The following CFAP20DC variants were observed in gnomAD, a reference collection of about 807,000 sequenced individuals.
CFAP20DC encodes protein CFAP20DC.
In CFAP20DC, 84 loss-of-function variants were observed where a neutral mutation model predicts 101.7. That is an observed-to-expected ratio of 0.83 (90% CI 0.69 to 0.99). The LOEUF (loss-of-function observed/expected upper bound fraction) is 0.99. Among genes scored for constraint, CFAP20DC ranks in the 50% least tolerant of loss-of-function variants. The pLI is 0.00. For synonymous variants in CFAP20DC, 359 were observed against 351.2 expected (o/e 1.02, Z -0.25); for missense variants, 1,007 against 970.3 (o/e 1.04, Z -0.50).
intron 4 of CFAP20DC, among the ~76,000 whole-genome samples, chr3:58,938,444 T>C (rs2088019746): frequency 6.6e-6 from 1 of 152,164 alleles, no homozygotes; most frequent in Non-Finnish European, 1.5e-5. Flanking sequence ...GTCTCAGAGG[T>C]AACACAGCAG....
At position 58,849,286 on chromosome 3, in the gene CFAP20DC, C is replaced by T. The variant is rs1486401737; in HGVS notation, c.1717G>A (p.Ala573Thr). 9.8e-6 allele frequency: 15 copies of T among 1,535,946 alleles called. No individual in the cohort carries two copies. The highest frequency in any genetic ancestry group is 5.5e-5 in the African/African-American group (4 of 73,028). The change falls in exon 13 of 17, where the codon GCC becomes ACC. Residue 573 changes from alanine to threonine, a missense_variant. By Grantham distance (58) the Ala-to-Thr change is moderately conservative. Transcript: ENST00000482387. The stretch of plus-strand genomic sequence containing the variant: ...TCTGTTGCTCCTGCTTCTGTGTAGG[C>T]GCTCCTTAGATATTCCTTACTTGTC... ...KRTSKEYLRS[A>T]YTEAGATESQ... is the part of the protein sequence containing the mutation.
intron 4 of CFAP20DC, among the ~76,000 whole-genome samples, chr3:59,012,388 G>T (rs995835943): frequency 1.3e-5 from 2 of 152,162 alleles, no homozygotes; most frequent in African/African-American, 4.8e-5. Context: ...CTGAGAGAAA[G>T]AAAGGAGTGA....
At chr3:58,755,174 T>C (rs2068848709) in intron 15 of CFAP20DC, among the ~76,000 whole-genome samples, 1 of 152,144 alleles carries the variant, frequency 6.6e-6, no homozygotes, top group Non-Finnish European at 1.5e-5. Flanking sequence ...CTTATAATAT[T>C]TTACGATACT....
At position 58,765,489 on chromosome 3, in the gene CFAP20DC, CCAAAAAAAAAAAAAAAAA is replaced by C. The variant is rs2070203271; in HGVS notation, c.2238-11644_2238-11627del. Among the ~76,000 whole-genome samples the C allele has an allele frequency of 5.5e-5, 6 of 108,720 alleles. No individual in the cohort carries two copies. The East Asian group carries it at 8.8e-4, about 16-fold the overall frequency. 71.3% of individuals were successfully genotyped at this position (108,720 alleles called of 152,430 possible). ...TTCTAGCCAAAAAAAAAAAAAAAAA[CCAAAAAAAAAAAAAAAAA>C]CAAACAGAAACACAAAACATGAGCT... On this transcript the variant is annotated intron_variant, in intron 15 of 16. Transcript: ENST00000482387.
At chr3:59,031,234 C>T (rs2093989322) in intron 4 of CFAP20DC, among the ~76,000 whole-genome samples, 1 of 152,130 alleles carries the variant, frequency 6.6e-6, no homozygotes, top group South Asian at 2.1e-4. Flanking sequence ...AAAGAGGGCT[C>T]ATCGGCAAAA....
chr3:58,723,503 C>A lies in CFAP20DC; in HGVS notation c.198-5875G>T, dbSNP rs566717546. Reference sequence around the variant, plus strand: ...GAACATTTTCTTCCTTTCTTGGGAACTTTTCTGAGTTTGAAAACAAGAAGG... The same window carrying A: ...GAACATTTTCTTCCTTTCTTGGGAAATTTTCTGAGTTTGAAAACAAGAAGG... On this transcript the variant is annotated intron_variant, in intron 3 of 3. Transcript: ENST00000486145. Among the ~76,000 whole-genome samples the A allele has an allele frequency of 6.6e-5, 10 of 152,294 alleles. No individual in the cohort carries two copies. In the East Asian group the frequency reaches 1.7e-3, roughly 26 times the overall value.
At position 58,788,363 on chromosome 3, in the gene CFAP20DC, A is replaced by G. The variant is rs9866943; in HGVS notation, c.2237+18032T>C. Among the ~76,000 whole-genome samples, 1,507 of 152,238 alleles carry G rather than the reference A, an allele frequency of 9.9e-3. 24 individuals carry two copies. The highest frequency in any genetic ancestry group is 0.035 in the African/African-American group (1,457 of 41,538). On this transcript the variant is annotated intron_variant, in intron 15 of 16. Transcript: ENST00000482387. This position sits in a 1 kb window ranked among gnomAD's most constrained non-coding sequence, Gnocchi z 4.2. ...AAACCACGGTTACCGGGGAAATCCT[A>G]TTGGTGAGAATCCACAGACATTTTT...
At chr3:58,938,885 T>C (rs140405748) in intron 4 of CFAP20DC, among the ~76,000 whole-genome samples, 4 of 152,322 alleles carry the variant, frequency 2.6e-5, no homozygotes, top group East Asian at 1.9e-4. Context: ...CTAAATGATA[T>C]CATAAATTCA....
At position 59,001,651 on chromosome 3, in the gene CFAP20DC, T is replaced by A. The variant is rs550948063; in HGVS notation, c.278+37906A>T. ...GTCTCGAACTCCCGACCTCAGGTGA[T>A]CCACCTGCCTTGGCCTCCCAAAGTG... On this transcript the variant is annotated intron_variant, in intron 4 of 16. Transcript: ENST00000482387. This position sits in a 1 kb window ranked among gnomAD's most constrained non-coding sequence, Gnocchi z 4.5. Among the ~76,000 whole-genome samples the A allele has an allele frequency of 6.6e-6, 1 of 152,196 alleles. No individual in the cohort carries two copies. The highest frequency in any genetic ancestry group is 1.5e-5 in the Non-Finnish European group (1 of 68,030).
At chr3:58,985,385 C>T (rs766192223) in intron 4 of CFAP20DC, among the ~76,000 whole-genome samples, 4 of 152,302 alleles carry the variant, frequency 2.6e-5, no homozygotes, top group East Asian at 3.9e-4. Flanking sequence ...ACTGCAACAA[C>T]CTCCTAATTA....
chr3:58,750,454 G>A (rs141582954), intron 16 of CFAP20DC, among the ~76,000 whole-genome samples: 2,141 of 152,256 alleles, frequency 0.014, 40 homozygotes, highest in African/African-American at 0.048. Context: ...AAGTGCACAT[G>A]TAGGCCCGGA....
chr3:58,754,325 CA>C (rs2068776762), intron 15 of CFAP20DC, among the ~76,000 whole-genome samples: 2 of 152,122 alleles, frequency 1.3e-5, no homozygotes, highest in South Asian at 4.1e-4. Context: ...TGGTGGGAGT[CA>C]GTCTCTCTTA....
intron 14 of CFAP20DC, among the ~76,000 whole-genome samples, chr3:58,820,427 T>G (rs2075547153): frequency 1.3e-5 from 2 of 150,518 alleles, no homozygotes; most frequent in African/African-American, 4.9e-5. Flanking sequence ...CTTAAGCTGA[T>G]AAGCAACTTC....
chr3:58,882,480 A>T lies in CFAP20DC; in HGVS notation c.715+2065T>A, dbSNP rs1468529444. Among the ~76,000 whole-genome samples the T allele has an allele frequency of 1.3e-5, 2 of 152,194 alleles. No individual in the cohort carries two copies. Among genetic ancestry groups the T allele is most frequent in the African/African-American group, 4.8e-5 (2 of 41,460 alleles). ...AATAAAAGCATTTACAATGGCAAACAATTATCTGATATGCTTTATAGTTTA... is the reference window on the plus strand; with the variant it reads ...AATAAAAGCATTTACAATGGCAAACTATTATCTGATATGCTTTATAGTTTA... On this transcript the variant is annotated intron_variant, in intron 7 of 16. Coordinates refer to ENST00000482387, the MANE Select transcript of CFAP20DC (RefSeq NM_001394063.1). The surrounding 1 kb of genome is among the most constrained non-coding windows in gnomAD (Gnocchi z 4.2).
intron 4 of CFAP20DC, among the ~76,000 whole-genome samples, chr3:58,975,345 G>A (rs1339975810): frequency 6.6e-6 from 1 of 151,968 alleles, no homozygotes; most frequent in Non-Finnish European, 1.5e-5. Context: ...GAATATGAGG[G>A]CAGCAACAAT....
intron 12 of CFAP20DC, among the ~76,000 whole-genome samples, chr3:58,860,076 C>T (rs1209005590): frequency 6.8e-6 from 1 of 147,990 alleles, no homozygotes; most frequent in Non-Finnish European, 1.5e-5. Context: ...ACTTGGGAGG[C>T]TTAAGCAGGA....
chr3:58,962,236 C>A (rs895951414), intron 4 of CFAP20DC, among the ~76,000 whole-genome samples: 19 of 152,136 alleles, frequency 1.2e-4, no homozygotes, highest in African/African-American at 4.6e-4. Context: ...CAGTTCTGAT[C>A]TTTAAAGTAT....
At chr3:58,885,703 C>A (rs983432823) in intron 6 of CFAP20DC, among the ~76,000 whole-genome samples, 1 of 151,464 alleles carries the variant, frequency 6.6e-6, no homozygotes, top group African/African-American at 2.4e-5. Flanking sequence ...CGAGTGAGAA[C>A]ACGTGGCATT....
Position 58,742,184 on chromosome 3 carries a change from CA to C in CFAP20DC, c.*275del, listed in dbSNP as rs1291092028. On this transcript the variant is annotated 3_prime_UTR_variant, in exon 17 of 17. Transcript: ENST00000482387. ...TTTACATAAAATTATCTGAAATAAA[CA>C]AAATTATATGTAGAATGAGAACAAA... 40 of 957,256 alleles carry C rather than the reference CA, an allele frequency of 4.2e-5. 1 individual carries two copies. The highest frequency in any genetic ancestry group is 4.8e-5 in the Non-Finnish European group (38 of 794,252). The allele number at this position is 957,256 out of a possible 1,614,324, so 59.3% of individuals were successfully genotyped here. A position where few individuals can be genotyped will look rare whatever the true frequency, so the allele number is the denominator to read the frequency against.
Sources: gnomAD v4.1 joint callset for allele counts (sites outside exome capture counted in the v4.1 genomes callset) on GRCh38, gnomAD v4.1.1 for gene constraint, Gnocchi (gnomAD v3.1) non-coding constraint, MANE v1.5 for transcripts, NCBI Gene and HGNC (gene_info 2026-07-23, HGNC 2026-07-21) for gene names.